The following BTBD7 variants were observed in gnomAD, a reference collection of about 807,000 sequenced individuals.
BTBD7 encodes the protein BTB domain containing 7.
Under a neutral mutation model 99.9 loss-of-function variants are expected in BTBD7, and 38 were observed. The ratio of observed to expected loss-of-function variants is 0.38; its 90% CI spans 0.29 to 0.50. BTBD7 has a LOEUF of 0.50. Among genes scored for constraint, BTBD7 ranks in the 20% least tolerant of loss-of-function variants. BTBD7 has a pLI of 0.93. For synonymous variants in BTBD7, 520 were observed against 511.4 expected, an observed-to-expected ratio of 1.02 and a Z score of -0.23; for missense variants, 1,170 against 1,394.6, an observed-to-expected ratio of 0.84 and a Z score of 2.57.
chr14:93,268,167 A>G (rs968842890), intron 3 of BTBD7, among the ~76,000 whole-genome samples: 4 of 151,922 alleles, frequency 2.6e-5, no homozygotes, highest in African/African-American at 9.7e-5. Flanking sequence ...ATTTTTCTGA[A>G]ATGCCCCTAA....
chr14:93,265,713 G>A (rs759131041), intron 3 of BTBD7, among the ~76,000 whole-genome samples: 1 of 152,260 alleles, frequency 6.6e-6, no homozygotes, highest in Non-Finnish European at 1.5e-5. Context: ...CCTGAGGTCA[G>A]GAGTTCGAGA....
intron 3 of BTBD7, among the ~76,000 whole-genome samples, chr14:93,269,208 TA>T (rs1329117953): frequency 1.1e-4 from 16 of 152,208 alleles, no homozygotes; most frequent in African/African-American, 3.9e-4. Flanking sequence ...GGAATGTTGG[TA>T]AAAAGAGATT....
At chr14:93,267,226 C>T (rs1341271607) in intron 3 of BTBD7, among the ~76,000 whole-genome samples, 1 of 152,090 alleles carries the variant, frequency 6.6e-6, no homozygotes, top group Non-Finnish European at 1.5e-5. Context: ...ATTTAAACTG[C>T]TGAGGTTTAC....
chr14:93,264,746 T>C (rs2052523865), intron 3 of BTBD7, among the ~76,000 whole-genome samples: 1 of 152,122 alleles, frequency 6.6e-6, no homozygotes, highest in Non-Finnish European at 1.5e-5. Context: ...TTAAGCTTAC[T>C]ATAAAACAAA....
At position 93,240,555 on chromosome 14, in the gene BTBD7, T is replaced by C. The variant is rs549637863; in HGVS notation, c.*1718A>G. On this transcript the variant is annotated 3_prime_UTR_variant, in exon 11 of 11. Transcript: ENST00000334746. ...AGTGATTCATAGTTTTTTATATATATACATACATAGAAAAGAGGATCCCAA... is the reference window on the plus strand; with the variant it reads ...AGTGATTCATAGTTTTTTATATATACACATACATAGAAAAGAGGATCCCAA... 6.5e-6 allele frequency: 1 copy of C among 152,738 alleles called. No individual in the cohort carries two copies. The highest frequency in any genetic ancestry group is 1.9e-4 in the East Asian group (1 of 5,192). The allele number at this position is 152,738 out of a possible 1,614,324, so 9.5% of individuals were successfully genotyped here. A position where few individuals can be genotyped will look rare whatever the true frequency, so the allele number is the denominator to read the frequency against.
At chr14:93,279,745 A>C (rs12892710) in intron 3 of BTBD7, among the ~76,000 whole-genome samples, 25,473 of 152,174 alleles carry the variant, frequency 0.17, 2,356 homozygotes, top group East Asian at 0.31. Context: ...ACAAGGTTTC[A>C]CCATGTTGGC....
At chr14:93,256,378 T>C (rs957514149) in intron 6 of BTBD7, 11 of 151,866 alleles carry the variant, frequency 7.2e-5, no homozygotes, top group Admixed American at 2.0e-4. Flanking sequence ...AACTAATATT[T>C]ATAATATTTA....
intron 5 of BTBD7, among the ~76,000 whole-genome samples, chr14:93,258,317 A>AT (rs552216899): frequency 1.3e-5 from 2 of 151,832 alleles, no homozygotes; most frequent in South Asian, 2.1e-4. Flanking sequence ...GAAAAGAGTC[A>AT]TTTTTTTCCC....
rs758157581 is a variant in BTBD7, at chr14:93,246,280, G to T, written c.2128C>A (p.His710Asn). Residue 710 changes from histidine to asparagine, a missense_variant, in exon 10 of 11, where the codon CAC (histidine) becomes AAC (asparagine). This residue lies in a region of BTBD7 where 495 missense variants were observed against 525.9 expected (regional missense o/e 0.94). Coordinates refer to ENST00000334746, the MANE Select transcript of BTBD7 (RefSeq NM_001002860.4). ...AAACGTTCATCAGGAAAGAATTTGTGAGGATTCTAAAAAAGATTAAAAAAA... is the reference window on the plus strand; with the variant it reads ...AAACGTTCATCAGGAAAGAATTTGTTAGGATTCTAAAAAAGATTAAAAAAA... ...DAAAELLQNPHKFFPDERFGD... is the reference protein window; with the variant it reads ...DAAAELLQNPNKFFPDERFGD... 1 of 1,473,262 alleles carries T rather than the reference G, an allele frequency of 6.8e-7. No homozygotes were observed. Among genetic ancestry groups the T allele is most frequent in the South Asian group, 1.5e-5 (1 of 65,994 alleles). The allele number at this position is 1,473,262 out of a possible 1,614,324, so 91.3% of individuals were successfully genotyped here.
intron 3 of BTBD7, among the ~76,000 whole-genome samples, chr14:93,284,280 T>C (rs1174874788): frequency 6.6e-6 from 1 of 152,174 alleles, no homozygotes; most frequent in Admixed American, 6.5e-5. Context: ...TGAGACAGGT[T>C]TTCTGACATT....
intron 3 of BTBD7, among the ~76,000 whole-genome samples, chr14:93,284,327 A>C (rs1212035754): frequency 5.3e-5 from 8 of 152,218 alleles, no homozygotes. Context: ...TATACCATTT[A>C]GACCCCATGT....
At chr14:93,323,062 G>T (rs1324441390) in intron 1 of BTBD7, among the ~76,000 whole-genome samples, 1 of 152,094 alleles carries the variant, frequency 6.6e-6, no homozygotes, top group East Asian at 1.9e-4. Context: ...GTTTGAGGCT[G>T]CGGTGAGCTA....
In BTBD7 at chr14:93,237,975, A is replaced by G. The variant is rs761843625; in HGVS notation, c.*4298T>C. On this transcript the variant is annotated 3_prime_UTR_variant, in exon 11 of 11. Transcript: ENST00000334746. ...CCTCTCTGAAGTACAGATGTGGTGC[A>G]TACACAGCAAGGAGAGTTCAGGAAC... The G allele has an allele frequency of 6.6e-6, 1 of 152,468 alleles. No homozygotes were observed. Among genetic ancestry groups the G allele is most frequent in the African/African-American group, 2.4e-5 (1 of 41,440 alleles). The allele number at this position is 152,468 out of a possible 1,614,324, so 9.4% of individuals were successfully genotyped here. A position where few individuals can be genotyped will look rare whatever the true frequency, so the allele number is the denominator to read the frequency against.
chr14:93,283,495 A>G (rs537415139), intron 3 of BTBD7, among the ~76,000 whole-genome samples: 1 of 152,362 alleles, frequency 6.6e-6, no homozygotes, highest in Non-Finnish European at 1.5e-5. Context: ...TACCTGATAC[A>G]TATTTACATT....
chr14:93,309,959 G>A (rs1470862092), intron 1 of BTBD7, among the ~76,000 whole-genome samples: 1 of 135,794 alleles, frequency 7.4e-6, no homozygotes, highest in Non-Finnish European at 1.5e-5. Flanking sequence ...TTACCAATTG[G>A]CAGGTGTTTT....
intron 1 of BTBD7, among the ~76,000 whole-genome samples, chr14:93,321,387 G>C (rs548779522): frequency 6.6e-6 from 1 of 152,308 alleles, no homozygotes; most frequent in South Asian, 2.1e-4. Flanking sequence ...GAGGTCAGGA[G>C]TTCAAGACCA....
chr14:93,332,774 ACACAGCCTCGGCTC>A, intron 1 of BTBD7, 32 bp downstream of exon 1: 1 of 1,457,346 alleles, frequency 6.9e-7, no homozygotes, highest in Admixed American at 2.5e-5. Context: ...GCCACACCGG[ACACAGCCTCGGCTC>A]CACAGCCTCA....
In BTBD7 at chr14:93,248,664, GAAC is replaced by G. The variant is rs781256780; in HGVS notation, c.1943-13_1943-11del. On this transcript the variant is annotated splice_polypyrimidine_tract_variant and intron_variant, in intron 8 of 10. Coordinates refer to ENST00000334746, the MANE Select transcript of BTBD7 (RefSeq NM_001002860.4). ...ATGAGGAGACGAGGAACTGGAAGGAGAACAACAGTGGGCAAGCAAAATTCCTGA... is the reference window on the plus strand; with the variant it reads ...ATGAGGAGACGAGGAACTGGAAGGAGAACAGTGGGCAAGCAAAATTCCTGA... 9 of 1,587,416 alleles carry G rather than the reference GAAC, an allele frequency of 5.7e-6. No homozygotes were observed. The highest frequency in any genetic ancestry group is 2.3e-5 in the East Asian group (1 of 44,156).
Position 93,263,916 on chromosome 14 carries a change from C to T in BTBD7, c.1240G>A (p.Gly414Ser). Residue 414 changes from glycine to serine, a missense_variant, in exon 4 of 11, where the codon GGC (glycine) becomes AGC (serine). Around this residue, in one of 4 missense-constraint regions of BTBD7, gnomAD observed 309 missense variants for 342.0 expected, o/e 0.90. Transcript: ENST00000334746. ...GCTTGTCGGTGCACCCATTTAGAGC[C>T]ATATGGATGAGAACTCCACTTGAGG... is the stretch of plus-strand genomic sequence containing the variant. The part of the protein sequence containing the change: ...AILKWSSHPY[G>S]SKWVHRQALH... 6.2e-7 allele frequency: 1 copy of T among 1,614,116 alleles called. No homozygotes were observed. Among genetic ancestry groups the T allele is most frequent in the Non-Finnish European group, 8.5e-7 (1 of 1,179,996 alleles).
Sources: allele counts gnomAD v4.1 joint callset (sites outside exome capture counted in the v4.1 genomes callset), GRCh38; gene constraint gnomAD v4.1.1; regional missense constraint gnomAD v4.1.1; transcripts MANE v1.5; gene names NCBI Gene and HGNC (gene_info 2026-07-23, HGNC 2026-07-21).